Variants in SYNRG observed in about 807,000 individuals in gnomAD.
SYNRG encodes synergin gamma.
SYNRG carries 37 observed loss-of-function variants against 130.9 expected under a neutral mutation model. The observed-to-expected ratio is 0.28, with a 90% CI of 0.22 to 0.37. The LOEUF is 0.37. Among genes scored for constraint, SYNRG ranks in the 10% least tolerant of loss-of-function variants. SYNRG has a pLI of 1.00. For missense variants in SYNRG, 1,338 were observed against 1,588.9 expected (o/e 0.84, Z 2.68); for synonymous variants, 539 against 568.1 (o/e 0.95, Z 0.73).
chr17:37,572,604 T>C (rs546887379), intron 8 of SYNRG, among the ~76,000 whole-genome samples: 14 of 152,294 alleles, frequency 9.2e-5, no homozygotes, highest in East Asian at 7.7e-4. Context: ...CAAGAGAAGC[T>C]GTAGAGTAAT....
At chr17:37,563,745 C>T (rs1337383937) in intron 11 of SYNRG, among the ~76,000 whole-genome samples, 1 of 151,928 alleles carries the variant, frequency 6.6e-6, no homozygotes, top group East Asian at 1.9e-4. Flanking sequence ...ATAGGTTGTC[C>T]AGGATCAAGT....
chr17:37,564,098 C>T (rs2059743797), intron 11 of SYNRG, among the ~76,000 whole-genome samples: 3 of 152,052 alleles, frequency 2.0e-5, no homozygotes, highest in Admixed American at 1.3e-4. Flanking sequence ...ATGTCTGCCT[C>T]GGTCTCCCAA....
chr17:37,541,943 T>C (rs745831338), intron 15 of SYNRG, 29 bp downstream of exon 15: 5 of 1,581,948 alleles, frequency 3.2e-6, no homozygotes, highest in South Asian at 1.1e-5. Context: ...AAAACCACAA[T>C]AGTAAAATCT....
In SYNRG at chr17:37,571,941, T is replaced by A; in HGVS notation, c.948A>T (p.Ile316=). 2 of 1,614,148 alleles carry A rather than the reference T, an allele frequency of 1.2e-6. No individual in the cohort carries two copies. The highest frequency in any genetic ancestry group is 1.7e-6 in the Non-Finnish European group (2 of 1,180,024). ...GAATGGGATACAGTTTGGCAGTATC[T>A]ATTCCAGTTGGAGTCATTGTGGTTT... ...ILETTMTPTG[I]DTAKLYPILM... is the part of the protein sequence containing the mutation. Residue 316 remains isoleucine (I), a synonymous_variant, in exon 9 of 22, where the codon ATA becomes ATT. Transcript: ENST00000612223.
intron 19 of SYNRG, among the ~76,000 whole-genome samples, chr17:37,522,080 C>T (rs1052188412): frequency 2.6e-5 from 4 of 150,988 alleles, no homozygotes; most frequent in Non-Finnish European, 4.4e-5. Context: ...ACAGCTAATA[C>T]GCCCTTACTT....
At chr17:37,579,443 T>C in intron 6 of SYNRG, 1 of 1,302,286 alleles carries the variant, frequency 7.7e-7, no homozygotes. Context: ...ATCTGCAAAA[T>C]GGAAAATGGC....
intron 1 of SYNRG, 70 bp from the exon 2 acceptor site, chr17:37,600,473 T>C (rs2147018794): frequency 6.7e-7 from 1 of 1,487,820 alleles, no homozygotes; most frequent in Non-Finnish European, 9.3e-7. Context: ...GTGTACTTTT[T>C]TATATGGATA....
chr17:37,571,801 G>T lies in SYNRG; in HGVS notation c.1088C>A (p.Ala363Glu), dbSNP rs1249672678. 2 of 1,607,408 alleles carry T rather than the reference G, an allele frequency of 1.2e-6. No homozygotes were observed. Among genetic ancestry groups the T allele is most frequent in the South Asian group, 2.2e-5 (2 of 89,234 alleles). Residue 363 changes from alanine (A) to glutamate (E), a missense_variant, in exon 9 of 22, where the codon GCG (alanine) becomes GAG (glutamate). By Grantham distance (107) the Ala-to-Glu change is moderately radical. Transcript: ENST00000612223. Reference protein sequence around the residue: ...EELYTVLAMIAVTQRGVPAMS... With the variant: ...EELYTVLAMIEVTQRGVPAMS... ...AGAAACATTGTTTACCTGTGTTACC[G>T]CTATCATGGCTAGAACGGTATAAAG... is the stretch of plus-strand genomic sequence containing the variant.
intron 8 of SYNRG, among the ~76,000 whole-genome samples, chr17:37,574,976 A>T (rs1281581780): frequency 1.3e-5 from 2 of 152,196 alleles, no homozygotes; most frequent in Admixed American, 6.5e-5. Context: ...CATAAAAAAA[A>T]TTGAGATCCT....
intron 6 of SYNRG, among the ~76,000 whole-genome samples, chr17:37,583,705 T>C (rs192134046): frequency 1.1e-4 from 16 of 152,340 alleles, no homozygotes; most frequent in Admixed American, 2.0e-4. Flanking sequence ...TTTTTTGTTG[T>C]TTTTTGAGAT....
In SYNRG at chr17:37,542,149, A is replaced by G; in HGVS notation, c.3025T>C (p.Ser1009Pro). 6.2e-7 allele frequency: 1 copy of G among 1,614,210 alleles called. No homozygotes were observed. Among genetic ancestry groups the G allele is most frequent in the Non-Finnish European group, 8.5e-7 (1 of 1,180,034 alleles). ...GGGGTTTCTTGAGAGGCACCACTGG[A>G]CGCTGGGCTGGGACACGTGGCCTCC... Reference protein sequence around the residue: ...SQEATCPSPASSGASQETPNE... With the variant: ...SQEATCPSPAPSGASQETPNE... The change falls in exon 15 of 22, where the codon TCC becomes CCC. Residue 1009 changes from serine (S) to proline (P), a missense_variant. By Grantham distance (74) the Ser-to-Pro change is moderately conservative. Coordinates refer to ENST00000612223, the MANE Select transcript of SYNRG (RefSeq NM_007247.6).
chr17:37,606,905 T>C (rs2063796536), intron 1 of SYNRG, among the ~76,000 whole-genome samples: 1 of 152,168 alleles, frequency 6.6e-6, no homozygotes, highest in African/African-American at 2.4e-5. Flanking sequence ...TCAAATATAC[T>C]TAGGTTGCCA....
chr17:37,516,451 G>C lies in SYNRG; in HGVS notation c.*2489C>G, dbSNP rs529314294. ...TGAATTTTCCTGTGGCACCTCCCAA[G>C]GAGTGACTAAGCCTACCATCCTTGG... is the stretch of plus-strand genomic sequence containing the variant. On this transcript the variant is annotated 3_prime_UTR_variant, in exon 22 of 22. Coordinates refer to ENST00000612223, the MANE Select transcript of SYNRG (RefSeq NM_007247.6). 7.2e-5 allele frequency: 11 copies of C among 152,062 alleles called. No individual in the cohort carries two copies. The highest frequency in any genetic ancestry group is 1.5e-4 in the Non-Finnish European group (10 of 68,010). 9.4% of individuals were successfully genotyped at this position (152,062 alleles called of 1,614,324 possible).
rs1439918042 is a variant in SYNRG at position 37,529,743 on chromosome 17, A to G, written c.3666+6236T>C. On this transcript the variant is annotated intron_variant, in intron 19 of 21. Transcript: ENST00000612223. ...ATCTCCCCACTTATCCTTTCCCCCA[A>G]ATTCACAAGCTTGGCAAGTACGCCT... 1.6e-5 allele frequency: 24 copies of G among 1,542,644 alleles called. No homozygotes were observed. The East Asian group carries it at 1.7e-4, about 11-fold the overall frequency.
intron 1 of SYNRG, chr17:37,605,716 GC>G: frequency 1.4e-6 from 1 of 699,324 alleles, no homozygotes; most frequent in Non-Finnish European, 1.8e-6. Flanking sequence ...TAAAAGCTTG[GC>G]AAAAAACTGG....
rs1260845038 is a variant in SYNRG, at chr17:37,539,192, A to G, written c.3420T>C (p.Asn1140=). 2 of 1,614,120 alleles carry G rather than the reference A, an allele frequency of 1.2e-6. No homozygotes were observed. The highest frequency in any genetic ancestry group is 8.5e-7 in the Non-Finnish European group (1 of 1,180,018). ...EWQRCLGSAL[N]VIKKANDTLN... The stretch of plus-strand genomic sequence containing the variant: ...GTGAACGCGTAAGTGACATACTCAC[A>G]TTCAGGGCACTCCCCAGGCATCTCT... Residue 1140 remains asparagine, a splice_region_variant and synonymous_variant, in exon 17 of 22, where the codon AAT becomes AAC. Transcript: ENST00000612223.
At chr17:37,575,565 G>T (rs1378938143) in intron 8 of SYNRG, among the ~76,000 whole-genome samples, 11 of 151,620 alleles carry the variant, frequency 7.3e-5, no homozygotes, top group Non-Finnish European at 1.5e-4. Flanking sequence ...AGTAGGTCAG[G>T]TGCAGTGGCT....
In SYNRG at chr17:37,600,346, C is replaced by T. The variant is rs377649317; in HGVS notation, c.118+17G>A. The stretch of plus-strand genomic sequence containing the variant: ...AAGAGTGAAAAATAAAAGTTCAAAA[C>T]TTAAGCTCTCACATACCTTGAGGGG... On this transcript the variant is annotated intron_variant, in intron 2 of 21. Transcript: ENST00000612223. The T allele has an allele frequency of 4.4e-6, 7 of 1,574,006 alleles. No homozygotes were observed. In the African/African-American group the frequency reaches 6.9e-5, roughly 15 times the overall value.
chr17:37,601,641 G>GT (rs941892379), intron 1 of SYNRG, among the ~76,000 whole-genome samples: 9 of 151,668 alleles, frequency 5.9e-5, no homozygotes, highest in Non-Finnish European at 8.8e-5. Context: ...CTCTTCTAAG[G>GT]TTTTTTTTAA....
Sources: gnomAD v4.1 joint callset for allele counts (sites outside exome capture counted in the v4.1 genomes callset) on GRCh38, gnomAD v4.1.1 for gene constraint, MANE v1.5 for transcripts, NCBI Gene and HGNC (gene_info 2026-07-23, HGNC 2026-07-21) for gene names.